The following SPIDR variants were observed in gnomAD, a reference collection of about 807,000 sequenced individuals.
SPIDR encodes DNA repair-scaffolding protein.
In SPIDR, 93 loss-of-function variants were observed where a neutral mutation model predicts 104.6. That is an observed-to-expected ratio of 0.89 (90% CI 0.75 to 1.06). The LOEUF (loss-of-function observed/expected upper bound fraction) is 1.06. Among genes scored for constraint, SPIDR ranks in the 50% least tolerant of loss-of-function variants. The pLI is 0.00. For synonymous variants in SPIDR, 431 were observed against 416.9 expected (o/e 1.03, Z -0.41); for missense variants, 1,154 against 1,111.2 (o/e 1.04, Z -0.55).
At chr8:47,553,212 A>G (rs558584872) in intron 8 of SPIDR, among the ~76,000 whole-genome samples, 51 of 151,584 alleles carry the variant, frequency 3.4e-4, no homozygotes, top group Non-Finnish European at 6.6e-4. Flanking sequence ...TTCCATTTCA[A>G]CCTTGGTGAA....
intron 10 of SPIDR, among the ~76,000 whole-genome samples, chr8:47,666,263 T>C (rs2074916903): frequency 6.6e-6 from 1 of 152,226 alleles, no homozygotes; most frequent in African/African-American, 2.4e-5. Flanking sequence ...TAGCCACATA[T>C]GGCTAGTGGC....
intron 19 of SPIDR, among the ~76,000 whole-genome samples, chr8:47,735,008 A>G (rs955180237): frequency 5.9e-5 from 9 of 152,146 alleles, no homozygotes; most frequent in African/African-American, 2.2e-4. Flanking sequence ...TTCCCAGCAG[A>G]GTCTGTGTGC....
chr8:47,318,953 A>G (rs1206783542), intron 5 of SPIDR, among the ~76,000 whole-genome samples: 4 of 149,282 alleles, frequency 2.7e-5, no homozygotes, highest in East Asian at 2.0e-4. Context: ...AGCACTGAAC[A>G]TGGAAAGGAA....
At chr8:47,689,211 C>CCCCA (rs1589216646) in intron 11 of SPIDR, among the ~76,000 whole-genome samples, 1 of 152,220 alleles carries the variant, frequency 6.6e-6, no homozygotes, top group East Asian at 1.9e-4. Flanking sequence ...TTTTCATGAC[C>CCCCA]CCCAGGCAGG....
chr8:47,452,829 C>T (rs1554707000), intron 8 of SPIDR, among the ~76,000 whole-genome samples: 1 of 152,116 alleles, frequency 6.6e-6, no homozygotes, highest in Non-Finnish European at 1.5e-5. Flanking sequence ...TCTCACCACT[C>T]CTATTCAACA....
At chr8:47,406,869 T>C (rs569002242) in intron 6 of SPIDR, among the ~76,000 whole-genome samples, 1 of 152,332 alleles carries the variant, frequency 6.6e-6, no homozygotes, top group African/African-American at 2.4e-5. Flanking sequence ...GTGCAGTGGG[T>C]ACTGATATCT....
chr8:47,377,780 G>A (rs138104526), intron 5 of SPIDR, among the ~76,000 whole-genome samples: 2 of 152,308 alleles, frequency 1.3e-5, no homozygotes, highest in Non-Finnish European at 2.9e-5. Flanking sequence ...AAGTGGCCGC[G>A]TCAAGGGCCA....
intron 7 of SPIDR, among the ~76,000 whole-genome samples, chr8:47,416,423 G>C (rs1321807568): frequency 6.6e-6 from 1 of 152,064 alleles, no homozygotes; most frequent in African/African-American, 2.4e-5. Context: ...TGAACTATTT[G>C]TTGATGAAGG....
chr8:47,670,324 A>G (rs1040720390), intron 10 of SPIDR, among the ~76,000 whole-genome samples: 1 of 152,220 alleles, frequency 6.6e-6, no homozygotes, highest in Non-Finnish European at 1.5e-5. Flanking sequence ...TATAAATTCA[A>G]CATCAAAACG....
chr8:47,299,796 G>C (rs2041687503), intron 5 of SPIDR, among the ~76,000 whole-genome samples: 1 of 152,194 alleles, frequency 6.6e-6, no homozygotes, highest in Non-Finnish European at 1.5e-5. Flanking sequence ...TCCCAGGGAT[G>C]AAGCCCACTT....
chr8:47,312,200 A>G (rs1169711771), intron 5 of SPIDR, among the ~76,000 whole-genome samples: 1 of 152,194 alleles, frequency 6.6e-6, no homozygotes, highest in Admixed American at 6.5e-5. Flanking sequence ...GTGTCTTTAT[A>G]GCAGCATGAT....
At chr8:47,565,951 A>G (rs1342599930) in intron 8 of SPIDR, among the ~76,000 whole-genome samples, 1 of 127,064 alleles carries the variant, frequency 7.9e-6, no homozygotes, top group Non-Finnish European at 1.6e-5. Flanking sequence ...AGTTATGGAT[A>G]AGAATGTGAT....
At chr8:47,335,921 C>CTT (rs1216183751) in intron 5 of SPIDR, among the ~76,000 whole-genome samples, 20 of 137,924 alleles carry the variant, frequency 1.5e-4, no homozygotes, top group African/African-American at 5.3e-4. Context: ...TAAGTTTTTG[C>CTT]TTTTTTTTTT....
chr8:47,328,379 C>T (rs2048059001), intron 5 of SPIDR, among the ~76,000 whole-genome samples: 1 of 151,602 alleles, frequency 6.6e-6, no homozygotes, highest in Non-Finnish European at 1.5e-5. Flanking sequence ...TCACCTCGAC[C>T]TCTCAAATAG....
chr8:47,483,724 T>C (rs1234704043), intron 8 of SPIDR, among the ~76,000 whole-genome samples: 1 of 152,198 alleles, frequency 6.6e-6, no homozygotes, highest in Non-Finnish European at 1.5e-5. Context: ...GTCATGGGGA[T>C]CTGTGGCCCA....
intron 6 of SPIDR, among the ~76,000 whole-genome samples, chr8:47,405,322 G>GTGTGTA (rs1311705526): frequency 6.8e-6 from 1 of 147,926 alleles, no homozygotes; most frequent in African/African-American, 2.6e-5. Flanking sequence ...GTGTGTGTGT[G>GTGTGTA]TATATATGTG....
chr8:47,487,191 A>AGC (rs1554732095), intron 8 of SPIDR, among the ~76,000 whole-genome samples: 2 of 152,104 alleles, frequency 1.3e-5, no homozygotes, highest in African/African-American at 4.8e-5. Flanking sequence ...ACAAAACAAA[A>AGC]AGGGGTTGCA....
At chr8:47,314,737 A>G (rs1650911540) in intron 5 of SPIDR, among the ~76,000 whole-genome samples, 1 of 152,236 alleles carries the variant, frequency 6.6e-6, no homozygotes, top group Non-Finnish European at 1.5e-5. Context: ...GACACAGCCA[A>G]ACCATATCAG....
intron 5 of SPIDR, among the ~76,000 whole-genome samples, chr8:47,338,042 A>G (rs1554610952): frequency 6.6e-6 from 1 of 152,110 alleles, no homozygotes; most frequent in East Asian, 1.9e-4. Context: ...TTTCTTTTTC[A>G]AGGTTGTTTT....
Sources: gnomAD v4.1 joint callset for allele counts (sites outside exome capture counted in the v4.1 genomes callset) on GRCh38, gnomAD v4.1.1 for gene constraint, MANE v1.5 for transcripts, NCBI Gene and HGNC (gene_info 2026-07-23, HGNC 2026-07-21) for gene names.